STAG2: variants seen among roughly 807,000 people sequenced by gnomAD.
STAG2 encodes cohesin subunit SA-2.
Under a neutral mutation model 108.1 loss-of-function variants are expected in STAG2, and 14 were observed. That is an observed-to-expected ratio of 0.13 (90% CI 0.09 to 0.20). The LOEUF (loss-of-function observed/expected upper bound fraction) is 0.20. Ranked by LOEUF, STAG2 falls within the 10% of genes least tolerant of loss-of-function variation. The pLI, the probability that STAG2 is intolerant of heterozygous loss-of-function variation, is 1.00. For missense variants in STAG2, 440 were observed against 940.9 expected (o/e 0.47, Z 6.96); for synonymous variants, 307 against 302.7 (o/e 1.01, Z -0.15).
chrX:124,060,925 C>T (rs1192796401), intron 15 of STAG2, among the ~76,000 whole-genome samples: 5 of 107,031 alleles, frequency 4.7e-5, no homozygotes, highest in Non-Finnish European at 7.7e-5. Context: ...CCATCTCCGC[C>T]ACCCCCCCAA....
intron 23 of STAG2, among the ~76,000 whole-genome samples, chrX:124,067,157 A>G (rs2058553397): frequency 9.0e-6 from 1 of 111,727 alleles, no homozygotes; most frequent in Non-Finnish European, 1.9e-5. Flanking sequence ...CCACAGAATA[A>G]TGTTAAATAC....
At chrX:124,083,852 C>G (rs1346485302) in intron 29 of STAG2, among the ~76,000 whole-genome samples, 2 of 112,020 alleles carry the variant, frequency 1.8e-5, no homozygotes, top group Admixed American at 1.9e-4. Flanking sequence ...CTTTGAACTC[C>G]TGGGCTCCAG....
At chrX:123,980,323 A>G (rs1211611331) in intron 1 of STAG2, among the ~76,000 whole-genome samples, 2 of 110,817 alleles carry the variant, frequency 1.8e-5, no homozygotes, top group Admixed American at 9.7e-5. Context: ...AGAGGTGAAA[A>G]CATCATGCTT....
chrX:123,984,688 C>T (rs1020879358), intron 1 of STAG2, among the ~76,000 whole-genome samples: 14 of 111,196 alleles, frequency 1.3e-4, no homozygotes, highest in Non-Finnish European at 2.5e-4. Context: ...ACTCTGTCAC[C>T]GAGGCTGGAG....
chrX:124,061,356 T>C lies in STAG2; in HGVS notation c.1534+15T>C. ...TGGAGAGGAAGGTAAGGATGTTTAATTATGATATTTTTGTTTAGACAGTTT... is the reference window on the plus strand; with the variant it reads ...TGGAGAGGAAGGTAAGGATGTTTAACTATGATATTTTTGTTTAGACAGTTT... On this transcript the variant is annotated intron_variant, in intron 16 of 34. Transcript: ENST00000371145. The C allele has an allele frequency of 8.9e-7, 1 of 1,123,372 alleles. No homozygotes were observed. Among genetic ancestry groups the C allele is most frequent in the Non-Finnish European group, 1.2e-6 (1 of 819,480 alleles). The allele number at this position is 1,123,372 out of a possible 1,213,427, so 92.6% of individuals were successfully genotyped here.
chrX:124,027,035 C>T (rs2057128291), intron 4 of STAG2, among the ~76,000 whole-genome samples: 1 of 111,434 alleles, frequency 9.0e-6, no homozygotes, highest in Admixed American at 9.5e-5. Flanking sequence ...GACTGGACTA[C>T]AGGCACCACA....
chrX:123,970,269 A>T (rs1218326234), intron 1 of STAG2, among the ~76,000 whole-genome samples: 1 of 110,159 alleles, frequency 9.1e-6, no homozygotes, highest in Non-Finnish European at 1.9e-5. Flanking sequence ...CTGGTGTTCC[A>T]TGACAGAATT....
At chrX:124,021,913 C>G (rs1396675198) in intron 2 of STAG2, among the ~76,000 whole-genome samples, 1 of 110,923 alleles carries the variant, frequency 9.0e-6, no homozygotes, top group African/African-American at 3.3e-5. Flanking sequence ...GATTTCAGGA[C>G]CAGTAAGAGT....
At chrX:124,070,383 G>T (rs1038165512) in intron 24 of STAG2, among the ~76,000 whole-genome samples, 6 of 111,597 alleles carry the variant, frequency 5.4e-5, no homozygotes, top group Admixed American at 9.5e-5. Flanking sequence ...GTATTATATT[G>T]TCTTTCCAGG....
At chrX:124,069,517 C>T (rs978585390) in intron 24 of STAG2, among the ~76,000 whole-genome samples, 28 of 111,432 alleles carry the variant, frequency 2.5e-4, no homozygotes, top group African/African-American at 8.8e-4. Context: ...TTGTTTGGCA[C>T]TTGTCTTTAT....
chrX:124,083,621 T>TGA (rs1037448661), intron 29 of STAG2, 72 bp downstream of exon 29: 10 of 875,476 alleles, frequency 1.1e-5, no homozygotes, highest in African/African-American at 2.0e-5. Context: ...ATACTTGGTT[T>TGA]CTCTCCTTTC....
chrX:124,025,706 C>T, intron 3 of STAG2, 134 bp from the exon 4 acceptor site: 1 of 388,432 alleles, frequency 2.6e-6, no homozygotes. Context: ...GGGGAAACAT[C>T]TTAATTACTT....
At chrX:123,969,980 A>AATTG (rs1491565979) in intron 1 of STAG2, among the ~76,000 whole-genome samples, 2 of 40,249 alleles carry the variant, frequency 5.0e-5, no homozygotes, top group South Asian at 1.3e-3. Flanking sequence ...TTTTTTTTTT[A>AATTG]ATTGTAACTG....
chrX:124,058,802 T>G (rs2058293983), intron 15 of STAG2, among the ~76,000 whole-genome samples: 2 of 112,180 alleles, frequency 1.8e-5, no homozygotes, highest in African/African-American at 6.5e-5. Flanking sequence ...GCTCAAAATT[T>G]ATTTTTGGTG....
intron 1 of STAG2, among the ~76,000 whole-genome samples, chrX:123,979,659 G>A (rs2054781331): frequency 9.0e-6 from 1 of 111,333 alleles, no homozygotes; most frequent in Non-Finnish European, 1.9e-5. Flanking sequence ...GTTCCAGGAG[G>A]AGTATATGCC....
intron 27 of STAG2, 21 bp downstream of exon 27, chrX:124,078,079 C>A (rs2058844749): frequency 9.2e-7 from 1 of 1,083,445 alleles, no homozygotes; most frequent in Non-Finnish European, 1.3e-6. Context: ...AGAGTACCAA[C>A]TTTAGCTAAC....
chrX:124,047,117 G>A (rs774568580), intron 8 of STAG2, among the ~76,000 whole-genome samples: 1 of 111,595 alleles, frequency 9.0e-6, no homozygotes, highest in Non-Finnish European at 1.9e-5. Context: ...CTTCAATTTT[G>A]CCGTGAATGA....
intron 27 of STAG2, among the ~76,000 whole-genome samples, chrX:124,078,479 C>A (rs764362830): frequency 5.6e-4 from 63 of 111,699 alleles, no homozygotes; most frequent in Admixed American, 2.5e-3. Context: ...CTGTATAGTA[C>A]ATTTCTGCGA....
chrX:124,032,836 A>G (rs1010590606), intron 5 of STAG2, among the ~76,000 whole-genome samples: 2 of 112,432 alleles, frequency 1.8e-5, no homozygotes, highest in Non-Finnish European at 3.7e-5. Flanking sequence ...ATGGGTGCAC[A>G]TGAATGGTTA....
Sources: allele counts gnomAD v4.1 joint callset (sites outside exome capture counted in the v4.1 genomes callset), GRCh38; gene constraint gnomAD v4.1.1; transcripts MANE v1.5; gene names NCBI Gene and HGNC (gene_info 2026-07-23, HGNC 2026-07-21).